CEBPG: variants seen among roughly 807,000 people sequenced by gnomAD.
CEBPG encodes the protein CCAAT enhancer binding protein gamma.
CEBPG carries 6 observed loss-of-function variants against 11.1 expected under a neutral mutation model. The ratio of observed to expected loss-of-function variants is 0.54; its 90% confidence interval spans 0.30 to 1.07. The LOEUF (loss-of-function observed/expected upper bound fraction) is 1.07. Ranked by LOEUF, CEBPG falls within the 50% of genes least tolerant of loss-of-function variation. The pLI is 0.07. For missense variants in CEBPG, 161 were observed against 187.4 expected (o/e 0.86, Z 0.82); for synonymous variants, 66 against 71.0 (o/e 0.93, Z 0.36).
At position 33,381,552 on chromosome 19, in the gene CEBPG, A is replaced by G. The variant is rs559509245; in HGVS notation, c.*1860A>G. The G allele has an allele frequency of 1.3e-3, 222 of 167,180 alleles. No individual in the cohort carries two copies. Among genetic ancestry groups the G allele is most frequent in the Admixed American group, 2.8e-3 (43 of 15,298 alleles). The allele number at this position is 167,180 out of a possible 1,614,324, so 10.4% of individuals were successfully genotyped here. On this transcript the variant is annotated 3_prime_UTR_variant, in exon 2 of 2. Coordinates refer to ENST00000284000, the MANE Select transcript of CEBPG (RefSeq NM_001806.4). ...GAGATGTTTTGAAAAACTAGCCAGG[A>G]CACACCCACAGGATCCTACTGGCTC...
At chr19:33,378,515 C>G (rs1341350171) in intron 1 of CEBPG, among the ~76,000 whole-genome samples, 1 of 152,090 alleles carries the variant, frequency 6.6e-6, no homozygotes, top group Admixed American at 6.5e-5. Flanking sequence ...CTCCTAAATT[C>G]AAGAAACTGA....
At position 33,380,118 on chromosome 19, in the gene CEBPG, T is replaced by G. The variant is rs1967967050; in HGVS notation, c.*426T>G. 5.9e-6 allele frequency: 1 copy of G among 169,872 alleles called. No homozygotes were observed. The highest frequency in any genetic ancestry group is 1.4e-5 in the Non-Finnish European group (1 of 70,202). 10.5% of individuals were successfully genotyped at this position (169,872 alleles called of 1,614,324 possible). A position where few individuals can be genotyped will look rare whatever the true frequency, so the allele number is the denominator to read the frequency against. On this transcript the variant is annotated 3_prime_UTR_variant, in exon 2 of 2. Coordinates refer to ENST00000284000, the MANE Select transcript of CEBPG (RefSeq NM_001806.4). ...TTGAATGCCACCTATGGTAATCTAT[T>G]TGTGATTTTCTTCTAAATTATGTAT...
rs563474833 is a variant in CEBPG, at chr19:33,375,177, G to A, written c.-97+1282G>A. 6.6e-5 allele frequency among the ~76,000 whole-genome samples: 10 copies of A among 152,242 alleles called. No homozygotes were observed. The South Asian group carries it at 2.1e-3, about 32-fold the overall frequency. On this transcript the variant is annotated intron_variant, in intron 1 of 1. Transcript: ENST00000284000. ...ATACCTGCTTTTAAAAAAAGTAGAT[G>A]GAAACAAAACTTCATTGAGAATATC... is the stretch of plus-strand genomic sequence containing the variant.
Position 33,379,225 on chromosome 19 carries a change from A to G in CEBPG, c.-15A>G, listed in dbSNP as rs1967951697. 6.6e-7 allele frequency: 1 copy of G among 1,521,886 alleles called. No individual in the cohort carries two copies. The allele number at this position is 1,521,886 out of a possible 1,614,324, so 94.3% of individuals were successfully genotyped here. A position where few individuals can be genotyped will look rare whatever the true frequency, so the allele number is the denominator to read the frequency against. ...CATTTCTACCTGTTCTGTGTTGGCA[A>G]GGGAGAGTGCCCAAATGAGCAAGAT... On this transcript the variant is annotated 5_prime_UTR_variant, in exon 2 of 2. Transcript: ENST00000284000.
At chr19:33,379,088 G>C in intron 1 of CEBPG, 56 bp from the exon 2 acceptor site, 1 of 654,160 alleles carries the variant, frequency 1.5e-6, no homozygotes, top group East Asian at 2.8e-5. Context: ...GTACAAGTTT[G>C]ATCTCATTTG....
intron 1 of CEBPG, among the ~76,000 whole-genome samples, chr19:33,376,207 G>T (rs185451625): frequency 2.0e-5 from 3 of 152,252 alleles, no homozygotes; most frequent in Admixed American, 6.5e-5. Flanking sequence ...GCAAGGGGAG[G>T]AATATTGGGT....
chr19:33,374,057 C>T (rs1967879142), intron 1 of CEBPG, among the ~76,000 whole-genome samples, 162 bp downstream of exon 1: 1 of 150,258 alleles, frequency 6.7e-6, no homozygotes, highest in South Asian at 2.1e-4. Context: ...CGGGCGGCGG[C>T]GCCGCGCGGC....
At position 33,380,742 on chromosome 19, in the gene CEBPG, A is replaced by G. The variant is rs1171606600; in HGVS notation, c.*1050A>G. ...TAGAGAAATGTATCAACTCCATGCC[A>G]TCTCCCAAAATAATTGTCTAAGAAA... is the stretch of plus-strand genomic sequence containing the variant. On this transcript the variant is annotated 3_prime_UTR_variant, in exon 2 of 2. Coordinates refer to ENST00000284000, the MANE Select transcript of CEBPG (RefSeq NM_001806.4). 6.0e-6 allele frequency: 1 copy of G among 166,876 alleles called. No individual in the cohort carries two copies. Among genetic ancestry groups the G allele is most frequent in the Admixed American group, 6.5e-5 (1 of 15,292 alleles). 10.3% of individuals were successfully genotyped at this position (166,876 alleles called of 1,614,324 possible). A position where few individuals can be genotyped will look rare whatever the true frequency, so the allele number is the denominator to read the frequency against.
chr19:33,379,381 C>T lies in CEBPG; in HGVS notation c.142C>T (p.Pro48Ser), dbSNP rs760801673. The change falls in exon 2 of 2, where the codon CCC (proline) becomes TCC (serine). Residue 48 changes from proline (P) to serine (S), a missense_variant. Physicochemically the swap from Pro to Ser is moderately conservative, Grantham distance 74 (BLOSUM62 -1). Transcript: ENST00000284000. ...TGGGGGAGGAGGCAAAGCTGTGGCTCCCAGCAAGCAGAGCAAAAAGAGTTC... is the reference window on the plus strand; with the variant it reads ...TGGGGGAGGAGGCAAAGCTGTGGCTTCCAGCAAGCAGAGCAAAAAGAGTTC... The part of the protein sequence containing the change: ...GPGGGGKAVA[P>S]SKQSKKSSPM... The T allele has an allele frequency of 1.2e-6, 2 of 1,613,852 alleles. No homozygotes were observed. Among genetic ancestry groups the T allele is most frequent in the Admixed American group, 1.7e-5 (1 of 59,992 alleles).
In CEBPG at chr19:33,380,796, A is replaced by C. The variant is rs1967977142; in HGVS notation, c.*1104A>C. 1 of 166,904 alleles carries C rather than the reference A, an allele frequency of 6.0e-6. No homozygotes were observed. The highest frequency in any genetic ancestry group is 2.4e-5 in the African/African-American group (1 of 41,460). 10.3% of individuals were successfully genotyped at this position (166,904 alleles called of 1,614,324 possible). A position where few individuals can be genotyped will look rare whatever the true frequency, so the allele number is the denominator to read the frequency against. On this transcript the variant is annotated 3_prime_UTR_variant, in exon 2 of 2. Transcript: ENST00000284000. ...TGAAAGTGTAAGGTTTTAACCTTTA[A>C]TTTATTTCTCTTAAATACATCTTTT...
In CEBPG at chr19:33,379,588, G is replaced by A. The variant is rs1254235776; in HGVS notation, c.349G>A (p.Val117Ile). ...KIKLLTKELS[V>I]LKDLFLEHAH... ...CAAATTGCTGACCAAGGAATTAAGT[G>A]TACTCAAAGATTTGTTTCTTGAGCA... Residue 117 changes from valine to isoleucine, a missense_variant, in exon 2 of 2, where the codon GTA becomes ATA. Physicochemically the swap from Val to Ile is conservative, Grantham distance 29. Transcript: ENST00000284000. 3 of 1,613,954 alleles carry A rather than the reference G, an allele frequency of 1.9e-6. No individual in the cohort carries two copies. The highest frequency in any genetic ancestry group is 2.2e-5 in the South Asian group (2 of 91,072).
At chr19:33,377,616 C>G (rs1967927214) in intron 1 of CEBPG, among the ~76,000 whole-genome samples, 1 of 152,168 alleles carries the variant, frequency 6.6e-6, no homozygotes, top group African/African-American at 2.4e-5. Flanking sequence ...TAAACAGCCA[C>G]TTTTCTACTG....
chr19:33,375,069 C>G (rs952345625), intron 1 of CEBPG, among the ~76,000 whole-genome samples: 4 of 152,238 alleles, frequency 2.6e-5, no homozygotes, highest in African/African-American at 9.6e-5. Context: ...TAAATAATTA[C>G]AGGGTACAAG....
rs1331512319 is a variant in CEBPG, at chr19:33,382,146, T to G, written c.*2454T>G. 6.0e-6 allele frequency: 1 copy of G among 167,156 alleles called. No individual in the cohort carries two copies. The highest frequency in any genetic ancestry group is 1.5e-5 in the Non-Finnish European group (1 of 68,134). 10.4% of individuals were successfully genotyped at this position (167,156 alleles called of 1,614,324 possible). On this transcript the variant is annotated 3_prime_UTR_variant, in exon 2 of 2. Coordinates refer to ENST00000284000, the MANE Select transcript of CEBPG (RefSeq NM_001806.4). ...TTAGGCTTTAGCATAAATTTCTAGC[T>G]GCATCTGAGTCTCCTGGGATGGGTG...
intron 1 of CEBPG, among the ~76,000 whole-genome samples, chr19:33,375,090 C>G (rs1323404743): frequency 6.6e-6 from 1 of 152,192 alleles, no homozygotes; most frequent in Admixed American, 6.5e-5. Flanking sequence ...GGAGCTGAAG[C>G]ATATTTCAGC....
At chr19:33,377,211 G>T (rs751693258) in intron 1 of CEBPG, among the ~76,000 whole-genome samples, 8 of 152,204 alleles carry the variant, frequency 5.3e-5, no homozygotes, top group Non-Finnish European at 7.3e-5. Context: ...ACTGAAGGTC[G>T]TGGTGTGTTG....
In CEBPG at chr19:33,379,167, G is replaced by C. The variant is rs1440448699; in HGVS notation, c.-73G>C. The C allele has an allele frequency of 5.8e-6, 8 of 1,374,718 alleles. No individual in the cohort carries two copies. The African/African-American group carries it at 7.2e-5, about 12-fold the overall frequency. The allele number at this position is 1,374,718 out of a possible 1,614,324, so 85.2% of individuals were successfully genotyped here. A position where few individuals can be genotyped will look rare whatever the true frequency, so the allele number is the denominator to read the frequency against. On this transcript the variant is annotated 5_prime_UTR_variant, in exon 2 of 2. Coordinates refer to ENST00000284000, the MANE Select transcript of CEBPG (RefSeq NM_001806.4). Reference sequence around the variant, plus strand: ...AGGTACATGTGAAGATTTTTTGGCAGCTTAGCGTGGAAACCATTGATCACC... The same window carrying C: ...AGGTACATGTGAAGATTTTTTGGCACCTTAGCGTGGAAACCATTGATCACC...
At chr19:33,375,667 T>C (rs1967903115) in intron 1 of CEBPG, among the ~76,000 whole-genome samples, 1 of 152,146 alleles carries the variant, frequency 6.6e-6, no homozygotes. Flanking sequence ...AAAGGGGACG[T>C]CCCCTTCCTC....
Position 33,379,874 on chromosome 19 carries a change from T to G in CEBPG, c.*182T>G. The G allele has an allele frequency of 1.9e-6, 1 of 536,220 alleles. No individual in the cohort carries two copies. The highest frequency in any genetic ancestry group is 3.3e-6 in the Non-Finnish European group (1 of 304,544). The allele number at this position is 536,220 out of a possible 1,614,324, so 33.2% of individuals were successfully genotyped here. On this transcript the variant is annotated 3_prime_UTR_variant, in exon 2 of 2. Coordinates refer to ENST00000284000, the MANE Select transcript of CEBPG (RefSeq NM_001806.4). The stretch of plus-strand genomic sequence containing the variant: ...AAAAATGTTAGCCTTGTAATTCGAA[T>G]ATCTGGTTTTAAATGATAGAGGTTT...
Sources: gnomAD v4.1 joint callset for allele counts (sites outside exome capture counted in the v4.1 genomes callset) on GRCh38, gnomAD v4.1.1 for gene constraint, MANE v1.5 for transcripts, NCBI Gene and HGNC (gene_info 2026-07-23, HGNC 2026-07-21) for gene names.